DYNC1I1: variants seen among roughly 807,000 people sequenced by gnomAD.
DYNC1I1 encodes cytoplasmic dynein 1 intermediate chain 1.
A neutral mutation model predicts 86.6 loss-of-function variants in DYNC1I1; 43 were observed. The ratio of observed to expected loss-of-function variants is 0.50; its 90% confidence interval spans 0.39 to 0.64. DYNC1I1 has a LOEUF of 0.64. Ranked by LOEUF, DYNC1I1 falls within the 30% of genes least tolerant of loss-of-function variation. The pLI, the probability that DYNC1I1 is intolerant of heterozygous loss-of-function variation, is 0.00. For missense variants in DYNC1I1, 604 were observed against 788.8 expected (o/e 0.77, Z 2.81); for synonymous variants, 262 against 283.7 (o/e 0.92, Z 0.77).
chr7:96,073,070 G>A (rs963025933), intron 14 of DYNC1I1, among the ~76,000 whole-genome samples: 12 of 152,132 alleles, frequency 7.9e-5, no homozygotes, highest in African/African-American at 2.9e-4. Flanking sequence ...CAACCTACAT[G>A]GTACTTTGAT....
At chr7:95,937,653 T>G (rs1221060790) in intron 6 of DYNC1I1, among the ~76,000 whole-genome samples, 1 of 152,028 alleles carries the variant, frequency 6.6e-6, no homozygotes, top group Admixed American at 6.6e-5. Flanking sequence ...GTGCTTGAGT[T>G]ATGAGATGTT....
intron 5 of DYNC1I1, among the ~76,000 whole-genome samples, chr7:95,867,852 G>C (rs1790054781): frequency 6.6e-6 from 1 of 152,226 alleles, no homozygotes; most frequent in South Asian, 2.1e-4. Flanking sequence ...AAGCAGCGGA[G>C]AGGCTTTGCC....
At chr7:95,937,463 T>A (rs554994975) in intron 6 of DYNC1I1, among the ~76,000 whole-genome samples, 3 of 151,676 alleles carry the variant, frequency 2.0e-5, no homozygotes, top group South Asian at 4.2e-4. Flanking sequence ...TTTAAAAAAA[T>A]TTTTCCAAAT....
chr7:95,913,666 G>T (rs1199035117), intron 6 of DYNC1I1, among the ~76,000 whole-genome samples: 1 of 152,094 alleles, frequency 6.6e-6, no homozygotes, highest in Non-Finnish European at 1.5e-5. Flanking sequence ...CTAGTCTCAG[G>T]TATATCTTTA....
At chr7:95,905,244 C>T (rs1055828064) in intron 6 of DYNC1I1, among the ~76,000 whole-genome samples, 1 of 152,112 alleles carries the variant, frequency 6.6e-6, no homozygotes, top group Non-Finnish European at 1.5e-5. Context: ...TAATTGAGGT[C>T]ATAAATAGCA....
intron 7 of DYNC1I1, among the ~76,000 whole-genome samples, chr7:95,981,714 G>A (rs1425242602): frequency 1.3e-5 from 2 of 151,962 alleles, no homozygotes; most frequent in African/African-American, 4.8e-5. Flanking sequence ...GTTTTGTGTT[G>A]TGAAAACAAA....
intron 4 of DYNC1I1, among the ~76,000 whole-genome samples, chr7:95,823,516 T>C (rs768792851): frequency 1.3e-5 from 2 of 152,218 alleles, no homozygotes; most frequent in Non-Finnish European, 2.9e-5. Flanking sequence ...TATCGGTATA[T>C]TATTAGGCAT....
chr7:95,937,973 T>G (rs1343866925), intron 6 of DYNC1I1, among the ~76,000 whole-genome samples: 3 of 152,088 alleles, frequency 2.0e-5, no homozygotes, highest in Non-Finnish European at 4.4e-5. Flanking sequence ...CATAATACCC[T>G]AATTTATTGT....
At chr7:96,033,951 A>G (rs898119930) in intron 12 of DYNC1I1, among the ~76,000 whole-genome samples, 2 of 152,216 alleles carry the variant, frequency 1.3e-5, no homozygotes, top group African/African-American at 4.8e-5. Context: ...TCGAGGTTGC[A>G]GTGAACTATT....
At chr7:95,921,834 T>C (rs1339047134) in intron 6 of DYNC1I1, among the ~76,000 whole-genome samples, 1 of 152,220 alleles carries the variant, frequency 6.6e-6, no homozygotes, top group Non-Finnish European at 1.5e-5. Flanking sequence ...CTTGCTGTCT[T>C]ATTCTTTGAA....
At chr7:95,932,823 G>A (rs1791934052) in intron 6 of DYNC1I1, among the ~76,000 whole-genome samples, 1 of 151,892 alleles carries the variant, frequency 6.6e-6, no homozygotes, top group Admixed American at 6.5e-5. Flanking sequence ...AAGACTTACA[G>A]TAGCACATCA....
chr7:95,797,139 G>T (rs1179298415), intron 1 of DYNC1I1, among the ~76,000 whole-genome samples: 3 of 152,122 alleles, frequency 2.0e-5, no homozygotes, highest in African/African-American at 7.2e-5. Flanking sequence ...AACACGCAAA[G>T]CCTTCTGCTA....
chr7:95,846,902 T>C (rs1219012796), intron 5 of DYNC1I1, among the ~76,000 whole-genome samples: 1 of 152,230 alleles, frequency 6.6e-6, no homozygotes, highest in Admixed American at 6.5e-5. Flanking sequence ...TCTCTTTTTC[T>C]ATAGATCCAA....
At chr7:96,006,027 G>A (rs1794134102) in intron 10 of DYNC1I1, among the ~76,000 whole-genome samples, 1 of 152,134 alleles carries the variant, frequency 6.6e-6, no homozygotes, top group South Asian at 2.1e-4. Context: ...AAACAAGGGG[G>A]GAGCAGGAAG....
At chr7:95,869,018 T>C (rs1790090378) in intron 5 of DYNC1I1, among the ~76,000 whole-genome samples, 2 of 152,046 alleles carry the variant, frequency 1.3e-5, no homozygotes, top group African/African-American at 4.8e-5. Flanking sequence ...GGAGTTCGAG[T>C]TGGTAGGAAA....
intron 6 of DYNC1I1, among the ~76,000 whole-genome samples, chr7:95,919,636 G>T (rs1456523275): frequency 6.6e-6 from 1 of 152,178 alleles, no homozygotes; most frequent in Non-Finnish European, 1.5e-5. Context: ...TGTCCTCTCT[G>T]TGTGAGCTGT....
chr7:95,951,458 G>GT (rs569806415), intron 6 of DYNC1I1, among the ~76,000 whole-genome samples: 1 of 152,176 alleles, frequency 6.6e-6, no homozygotes, highest in African/African-American at 2.4e-5. Context: ...GCTTTTGAAT[G>GT]TTTTTTGGGA....
At chr7:95,910,447 T>A (rs1791303142) in intron 6 of DYNC1I1, among the ~76,000 whole-genome samples, 3 of 152,144 alleles carry the variant, frequency 2.0e-5, no homozygotes, top group Admixed American at 2.0e-4. Context: ...GCATGTATAA[T>A]CCATGTAAAG....
intron 1 of DYNC1I1, among the ~76,000 whole-genome samples, chr7:95,801,635 A>C (rs1004123404): frequency 2.0e-5 from 3 of 152,212 alleles, no homozygotes; most frequent in African/African-American, 7.2e-5. Flanking sequence ...AGAATGAAAC[A>C]GCTATTGCTT....
Sources: gnomAD v4.1 joint callset for allele counts (sites outside exome capture counted in the v4.1 genomes callset) on GRCh38, gnomAD v4.1.1 for gene constraint, MANE v1.5 for transcripts, NCBI Gene and HGNC (gene_info 2026-07-23, HGNC 2026-07-21) for gene names.